Variants in RORA observed in about 807,000 individuals in gnomAD.
RORA encodes the protein nuclear receptor ROR-alpha.
In RORA, 7 loss-of-function variants were observed where a neutral mutation model predicts 69.5. The observed-to-expected ratio is 0.10, with a 90% CI of 0.06 to 0.19. RORA has a LOEUF of 0.19. RORA is among the 10% of genes least tolerant of loss of function. The pLI is 1.00. For missense variants in RORA, 457 were observed against 663.0 expected (o/e 0.69, Z 3.41); for synonymous variants, 261 against 240.8 (o/e 1.08, Z -0.78).
intron 1 of RORA, among the ~76,000 whole-genome samples, chr15:60,821,294 C>T (rs2072890198): frequency 6.6e-6 from 1 of 152,142 alleles, no homozygotes; most frequent in African/African-American, 2.4e-5. Context: ...TGTTCCCTTT[C>T]AGTGCTGACT....
At chr15:60,940,925 C>T (rs1228053155) in intron 1 of RORA, among the ~76,000 whole-genome samples, 1 of 152,032 alleles carries the variant, frequency 6.6e-6, no homozygotes, top group Non-Finnish European at 1.5e-5. Flanking sequence ...GACTCTGTCT[C>T]TAAATAAATA....
chr15:60,804,870 T>C (rs2072638931), intron 1 of RORA, among the ~76,000 whole-genome samples: 1 of 152,244 alleles, frequency 6.6e-6, no homozygotes, highest in Admixed American at 6.5e-5. Context: ...ATAGGCTCTC[T>C]CTTTCAATAG....
At chr15:61,047,557 T>C (rs1897091630) in intron 1 of RORA, among the ~76,000 whole-genome samples, 1 of 152,210 alleles carries the variant, frequency 6.6e-6, no homozygotes, top group Non-Finnish European at 1.5e-5. Context: ...TCTCTTCCCT[T>C]GTTCTTGAGA....
chr15:61,054,944 C>T (rs1478455566), intron 1 of RORA, among the ~76,000 whole-genome samples: 1 of 151,882 alleles, frequency 6.6e-6, no homozygotes, highest in Non-Finnish European at 1.5e-5. Flanking sequence ...TCAATCAATC[C>T]TCCCACCTCA....
At chr15:60,497,779 C>T (rs766254188) in intron 10 of RORA, among the ~76,000 whole-genome samples, 160 bp from the exon 11 acceptor site, 1 of 152,082 alleles carries the variant, frequency 6.6e-6, no homozygotes, top group Non-Finnish European at 1.5e-5. Flanking sequence ...TAAATGATGG[C>T]TGGGCGCGGT....
intron 2 of RORA, chr15:60,615,141 TC>T: frequency 7.5e-7 from 1 of 1,328,012 alleles, no homozygotes; most frequent in Non-Finnish European, 1.0e-6. Flanking sequence ...TAATGCTCTC[TC>T]GTGTTTCCTC....
At chr15:60,757,667 G>A (rs184239584) in intron 1 of RORA, among the ~76,000 whole-genome samples, 8 of 152,258 alleles carry the variant, frequency 5.3e-5, no homozygotes, top group Admixed American at 3.9e-4. Context: ...CCCTGGATGT[G>A]ACTCCAGGGT....
chr15:61,086,809 C>T (rs2078632392), intron 1 of RORA, among the ~76,000 whole-genome samples: 1 of 151,984 alleles, frequency 6.6e-6, no homozygotes, highest in Admixed American at 6.6e-5. Flanking sequence ...TGGAAAACAG[C>T]CAAACTCATT....
intron 1 of RORA, among the ~76,000 whole-genome samples, chr15:60,880,823 G>A (rs1314260740): frequency 6.6e-6 from 1 of 152,180 alleles, no homozygotes; most frequent in African/African-American, 2.4e-5. Flanking sequence ...AATTTAATAC[G>A]TGTCTGACCT....
At chr15:60,642,546 C>T (rs2069962244) in intron 2 of RORA, among the ~76,000 whole-genome samples, 1 of 152,130 alleles carries the variant, frequency 6.6e-6, no homozygotes, top group African/African-American at 2.4e-5. Flanking sequence ...TACAAGGATT[C>T]CTCTTACTGT....
At chr15:60,819,897 A>T (rs1219686331) in intron 1 of RORA, among the ~76,000 whole-genome samples, 1 of 152,078 alleles carries the variant, frequency 6.6e-6, no homozygotes, top group Non-Finnish European at 1.5e-5. Flanking sequence ...CCTTAAGTGA[A>T]TCCCTGTGTT....
chr15:60,916,008 C>T (rs537897852), intron 1 of RORA, among the ~76,000 whole-genome samples: 2 of 152,298 alleles, frequency 1.3e-5, no homozygotes, highest in South Asian at 4.2e-4. Context: ...GTTTCTTTCC[C>T]TGATTAACCC....
At chr15:61,116,718 T>C (rs1351772395) in intron 1 of RORA, among the ~76,000 whole-genome samples, 3 of 152,162 alleles carry the variant, frequency 2.0e-5, no homozygotes, top group African/African-American at 4.8e-5. Context: ...GGGTGAGTTC[T>C]GTTCCTGGCT....
intron 1 of RORA, among the ~76,000 whole-genome samples, chr15:61,016,490 T>C (rs1895293279): frequency 6.6e-6 from 1 of 152,208 alleles, no homozygotes; most frequent in African/African-American, 2.4e-5. Context: ...ATTTGTACTC[T>C]GTGCATGTGG....
intron 1 of RORA, among the ~76,000 whole-genome samples, chr15:60,698,633 T>G (rs1371844160): frequency 1.2e-4 from 16 of 135,308 alleles, no homozygotes; most frequent in Admixed American, 7.6e-4. Flanking sequence ...CATTTGTGTT[T>G]TTTTTTTTTT....
At chr15:60,849,428 T>C (rs994315208) in intron 1 of RORA, among the ~76,000 whole-genome samples, 1 of 152,164 alleles carries the variant, frequency 6.6e-6, no homozygotes, top group African/African-American at 2.4e-5. Context: ...CGGACAACAT[T>C]GACAGATACA....
intron 1 of RORA, among the ~76,000 whole-genome samples, chr15:61,211,259 A>C (rs1323657892): frequency 6.7e-6 from 1 of 149,014 alleles, no homozygotes; most frequent in Non-Finnish European, 1.5e-5. Context: ...CTGCAAAGTT[A>C]AAAAGACAGA....
At position 60,511,165 on chromosome 15, in the gene RORA, T is replaced by C. The variant is rs2065685323; in HGVS notation, c.820+61A>G. 1 of 1,516,156 alleles carries C rather than the reference T, an allele frequency of 6.6e-7. No individual in the cohort carries two copies. Among genetic ancestry groups the C allele is most frequent in the African/African-American group, 1.4e-5 (1 of 72,310 alleles). The allele number at this position is 1,516,156 out of a possible 1,614,324, so 93.9% of individuals were successfully genotyped here. ...GAACTCATTAGAGGAAAGTCAGACATACCCCTTTTACTTCAAAGGGCATGA... is the reference window on the plus strand; with the variant it reads ...GAACTCATTAGAGGAAAGTCAGACACACCCCTTTTACTTCAAAGGGCATGA... On this transcript the variant is annotated intron_variant, in intron 5 of 10. Transcript: ENST00000335670. The surrounding 1 kb of genome is among the most constrained non-coding windows in gnomAD (Gnocchi z 6.4).
In RORA at chr15:61,222,587, C is replaced by T. The variant is rs558908879; in HGVS notation, c.166+6466G>A. 2.0e-5 allele frequency among the ~76,000 whole-genome samples: 3 copies of T among 152,310 alleles called. No individual in the cohort carries two copies. The South Asian group carries it at 6.2e-4, about 32-fold the overall frequency. On this transcript the variant is annotated intron_variant, in intron 1 of 10. Coordinates refer to ENST00000335670, the MANE Select transcript of RORA (RefSeq NM_134261.3). Reference sequence around the variant, plus strand: ...CAAGAGAGAAATAATAATAACTGGGCTGTCACAAAAGAACATCAGGACTCC... The same window carrying T: ...CAAGAGAGAAATAATAATAACTGGGTTGTCACAAAAGAACATCAGGACTCC...
Sources: gnomAD v4.1 joint callset for allele counts (sites outside exome capture counted in the v4.1 genomes callset) on GRCh38, gnomAD v4.1.1 for gene constraint, Gnocchi (gnomAD v3.1) non-coding constraint, MANE v1.5 for transcripts, NCBI Gene and HGNC (gene_info 2026-07-23, HGNC 2026-07-21) for gene names.